The following DAB1 variants were observed in gnomAD, a reference collection of about 807,000 sequenced individuals.
DAB1 encodes disabled homolog 1.
Under a neutral mutation model 64.6 loss-of-function variants are expected in DAB1, and 15 were observed. That is an observed-to-expected ratio of 0.23 (90% CI 0.16 to 0.36). The LOEUF is 0.36. Among genes scored for constraint, DAB1 ranks in the 10% least tolerant of loss-of-function variants. The pLI is 1.00. For missense variants in DAB1, 596 were observed against 706.7 expected (o/e 0.84, Z 1.78); for synonymous variants, 235 against 251.9 (o/e 0.93, Z 0.64).
At chr1:57,606,593 T>TATATATAGGAAATATATAATATA (rs1553199516) in intron 7 of DAB1, among the ~76,000 whole-genome samples, 1 of 80,298 alleles carries the variant, frequency 1.2e-5, no homozygotes, top group Non-Finnish European at 2.2e-5. Context: ...TATAATATAT[T>TATATATAGGAAATATATAATATA]ATATATTATA....
At chr1:58,517,908 C>T (rs1346231551) in intron 2 of DAB1, among the ~76,000 whole-genome samples, 2 of 151,640 alleles carry the variant, frequency 1.3e-5, no homozygotes, top group South Asian at 2.1e-4. Flanking sequence ...AGTATCAGGC[C>T]GGGCACAGTG....
chr1:57,012,742 A>G (rs1646303176), intron 12 of DAB1, among the ~76,000 whole-genome samples: 1 of 152,240 alleles, frequency 6.6e-6, no homozygotes, highest in Non-Finnish European at 1.5e-5. Flanking sequence ...AACACCCTGA[A>G]GGGTAGTAGA....
intron 9 of DAB1, chr1:57,033,412 AG>A: frequency 6.2e-7 from 1 of 1,612,922 alleles, no homozygotes; most frequent in Non-Finnish European, 8.5e-7. Flanking sequence ...ATCTCATCAA[AG>A]TCTGTGGGCA....
intron 2 of DAB1, among the ~76,000 whole-genome samples, chr1:57,283,743 A>G (rs1672093734): frequency 6.6e-6 from 1 of 152,220 alleles, no homozygotes; most frequent in Non-Finnish European, 1.5e-5. Context: ...TAATGAGGTG[A>G]ATCCTAAGAA....
At chr1:57,666,952 C>G (rs1191886585) in intron 6 of DAB1, among the ~76,000 whole-genome samples, 1 of 151,998 alleles carries the variant, frequency 6.6e-6, no homozygotes, top group African/African-American at 2.4e-5. Context: ...TCCATCATGG[C>G]TAGAAAACGC....
At chr1:58,265,726 G>GA in intron 4 of DAB1, among the ~76,000 whole-genome samples, 1 of 152,162 alleles carries the variant, frequency 6.6e-6, no homozygotes, top group East Asian at 1.9e-4. Context: ...TTGAATGGGA[G>GA]AAAAAAGGAT....
At chr1:57,210,270 C>T (rs979634591) in intron 2 of DAB1, among the ~76,000 whole-genome samples, 48 of 152,030 alleles carry the variant, frequency 3.2e-4, no homozygotes, top group African/African-American at 1.1e-3. Flanking sequence ...ATGTCTACTG[C>T]TATGATTTTT....
At position 58,217,299 on chromosome 1, in the gene DAB1, G is replaced by A. The variant is rs78303375; in HGVS notation, n.310-66711C>T. Reference sequence around the variant, plus strand: ...TCAGACTACAGGTGAGTACGCAAGGGCCCAAGCAGGACCTGGAGCCTGGAG... The same window carrying A: ...TCAGACTACAGGTGAGTACGCAAGGACCCAAGCAGGACCTGGAGCCTGGAG... On this transcript the variant is annotated intron_variant and non_coding_transcript_variant, in intron 4 of 20. Transcript: ENST00000485760. Among the ~76,000 whole-genome samples the A allele has an allele frequency of 2.2e-3, 336 of 152,254 alleles. 2 individuals are homozygous for A. Among genetic ancestry groups the A allele is most frequent in the African/African-American group, 7.5e-3 (311 of 41,550 alleles).
chr1:58,268,936 T>A (rs1448975925), intron 4 of DAB1, among the ~76,000 whole-genome samples: 3 of 152,150 alleles, frequency 2.0e-5, no homozygotes, highest in Non-Finnish European at 4.4e-5. Flanking sequence ...TGAATAGAAT[T>A]AAAAGCCCAG....
At chr1:58,539,424 A>C in intron 1 of DAB1, 1 of 623,080 alleles carries the variant, frequency 1.6e-6, no homozygotes, top group Non-Finnish European at 2.8e-6. Context: ...TCTCAGGCTA[A>C]ATTACCTTGG....
chr1:58,279,851 A>G (rs988567695), intron 4 of DAB1, among the ~76,000 whole-genome samples: 1 of 152,042 alleles, frequency 6.6e-6, no homozygotes, highest in Non-Finnish European at 1.5e-5. Context: ...TAACCTTCAA[A>G]TGCCTCCTTC....
intron 4 of DAB1, among the ~76,000 whole-genome samples, chr1:58,204,016 C>G (rs951293605): frequency 2.0e-5 from 3 of 152,168 alleles, no homozygotes; most frequent in African/African-American, 4.8e-5. Flanking sequence ...GGCCATGTAT[C>G]TAACTGAACT....
intron 4 of DAB1, among the ~76,000 whole-genome samples, chr1:58,168,026 A>G (rs1168908467): frequency 6.6e-6 from 1 of 152,214 alleles, no homozygotes; most frequent in African/African-American, 2.4e-5. Context: ...ACTATCGACT[A>G]TCGCCAAGTG....
At chr1:57,274,521 A>T (rs543454986) in intron 2 of DAB1, among the ~76,000 whole-genome samples, 3 of 152,308 alleles carry the variant, frequency 2.0e-5, no homozygotes, top group Admixed American at 2.0e-4. Context: ...CCATATTGTT[A>T]TTGGTTTTTT....
At chr1:57,298,741 A>T (rs79856219) in intron 1 of DAB1, among the ~76,000 whole-genome samples, 4,011 of 152,340 alleles carry the variant, frequency 0.026, 172 homozygotes, top group African/African-American at 0.091. Flanking sequence ...GCAAAGAGAC[A>T]CAAAAAATTA....
chr1:58,085,459 C>T (rs1222270680), intron 5 of DAB1, among the ~76,000 whole-genome samples: 2 of 152,074 alleles, frequency 1.3e-5, no homozygotes, highest in Non-Finnish European at 2.9e-5. Context: ...CCTCAACCTC[C>T]TGGGCTCAAA....
Position 57,260,754 on chromosome 1 carries a change from C to T in DAB1, c.67+30210G>A, listed in dbSNP as rs1352403361. On this transcript the variant is annotated intron_variant, in intron 2 of 14. Transcript: ENST00000371236. ...CCAGTGCTCTTGGTTTTCTCACACT[C>T]AGAGTGATTTCTCCATATACCTTCC... Among the ~76,000 whole-genome samples the T allele has an allele frequency of 9.9e-5, 15 of 152,208 alleles. No individual in the cohort carries two copies. The East Asian group carries it at 2.3e-3, about 23-fold the overall frequency.
intron 1 of DAB1, among the ~76,000 whole-genome samples, chr1:57,839,125 G>A (rs1483306677): frequency 6.6e-6 from 1 of 152,022 alleles, no homozygotes; most frequent in Non-Finnish European, 1.5e-5. Context: ...AAGATTGTCT[G>A]GAGGATTTCT....
chr1:57,822,620 T>C (rs1652169370), downstream of DAB1, among the ~76,000 whole-genome samples: 2 of 152,184 alleles, frequency 1.3e-5, no homozygotes, highest in South Asian at 4.1e-4. Flanking sequence ...AAAGTCCAGA[T>C]AAAATATTTA....
Sources: allele counts gnomAD v4.1 joint callset (sites outside exome capture counted in the v4.1 genomes callset), GRCh38; gene constraint gnomAD v4.1.1; transcripts MANE v1.5; gene names NCBI Gene and HGNC (gene_info 2026-07-23, HGNC 2026-07-21).